The following GRIN3A variants were observed in gnomAD, a reference collection of about 807,000 sequenced individuals.
The protein encoded by GRIN3A is glutamate ionotropic receptor NMDA type subunit 3A.
A neutral mutation model predicts 92.4 loss-of-function variants in GRIN3A; 47 were observed. The observed-to-expected ratio is 0.51, with a 90% CI of 0.40 to 0.65. The LOEUF (loss-of-function observed/expected upper bound fraction) is 0.65, where lower values mean the gene tolerates loss of function less well. Ranked by LOEUF, GRIN3A falls within the 30% of genes least tolerant of loss-of-function variation. GRIN3A has a pLI of 0.00. For synonymous variants in GRIN3A, 527 were observed against 540.6 expected (o/e 0.97, Z 0.35); for missense variants, 1,324 against 1,393.1 (o/e 0.95, Z 0.79).
intron 2 of GRIN3A, among the ~76,000 whole-genome samples, chr9:101,681,245 A>G (rs1829462710): frequency 6.6e-6 from 1 of 152,246 alleles, no homozygotes; most frequent in South Asian, 2.1e-4. Context: ...AATTTTGAGA[A>G]ATAAAAACAA....
intron 6 of GRIN3A, chr9:101,600,752 C>T (rs73659558): frequency 0.086 from 13,118 of 152,000 alleles, 585 homozygotes; most frequent in African/African-American, 0.12. Flanking sequence ...TGGAGCATAC[C>T]GGAGTAGGGA....
intron 1 of GRIN3A, among the ~76,000 whole-genome samples, chr9:101,689,446 T>C (rs187649137): frequency 7.0e-4 from 107 of 152,182 alleles, no homozygotes; most frequent in Non-Finnish European, 1.3e-3. Flanking sequence ...ACAAATCCAA[T>C]AGGCATGAGA....
chr9:101,574,316 T>C (rs1195310967), intron 8 of GRIN3A, among the ~76,000 whole-genome samples: 1 of 152,186 alleles, frequency 6.6e-6, no homozygotes. Context: ...TTGATACTTA[T>C]GAGATAAGGA....
intron 6 of GRIN3A, among the ~76,000 whole-genome samples, chr9:101,586,231 A>G (rs1827948555): frequency 6.6e-6 from 1 of 152,108 alleles, no homozygotes; most frequent in Admixed American, 6.5e-5. Flanking sequence ...TTGACATAGT[A>G]TGTGTTTATT....
chr9:101,654,612 C>CT lies in GRIN3A; in HGVS notation c.2352+15447dup, dbSNP rs755896647. ...TCCCTGTGTACTCCCTTCAAGGTCT[C>CT]TTTTTTTTTCCTCATTTACTTTATC... is the stretch of plus-strand genomic sequence containing the variant. On this transcript the variant is annotated intron_variant, in intron 3 of 8. Transcript: ENST00000361820. Among the ~76,000 whole-genome samples, 418 of 150,812 alleles carry CT rather than the reference C, an allele frequency of 2.8e-3. 3 individuals are homozygous for CT. Among genetic ancestry groups the CT allele is most frequent in the Non-Finnish European group, 3.9e-3 (262 of 67,532 alleles).
chr9:101,681,401 T>C (rs1028528386), intron 2 of GRIN3A, among the ~76,000 whole-genome samples: 17 of 152,250 alleles, frequency 1.1e-4, no homozygotes, highest in African/African-American at 4.1e-4. Flanking sequence ...GCTCTGCATA[T>C]AAAATGCAAA....
At chr9:101,628,147 G>A (rs1047639174) in intron 4 of GRIN3A, 109 bp downstream of exon 4, 18 of 1,006,928 alleles carry the variant, frequency 1.8e-5, no homozygotes, top group South Asian at 1.5e-4. Flanking sequence ...TTAACACAAC[G>A]TGGGTATATT....
intron 3 of GRIN3A, among the ~76,000 whole-genome samples, chr9:101,655,437 G>A (rs558679855): frequency 3.3e-5 from 5 of 151,924 alleles, no homozygotes; most frequent in Admixed American, 6.6e-5. Flanking sequence ...CAGTAATTAA[G>A]TGAGCATATT....
chr9:101,642,804 G>C, intron 3 of GRIN3A, among the ~76,000 whole-genome samples: 1 of 152,076 alleles, frequency 6.6e-6, no homozygotes, highest in East Asian at 1.9e-4. Context: ...AGGGATCTAG[G>C]TGGCAAGCAT....
chr9:101,730,007 T>C (rs1441946098), intron 1 of GRIN3A, among the ~76,000 whole-genome samples: 1 of 152,184 alleles, frequency 6.6e-6, no homozygotes, highest in Non-Finnish European at 1.5e-5. Context: ...GTTATAGCAA[T>C]AGTTAGGAAA....
Position 101,670,070 on chromosome 9 carries a change from T to G in GRIN3A, c.2342A>C (p.His781Pro). 6 of 1,611,708 alleles carry G rather than the reference T, an allele frequency of 3.7e-6. No homozygotes were observed. The highest frequency in any genetic ancestry group is 5.1e-6 in the Non-Finnish European group (6 of 1,177,924). The part of the protein sequence containing the change: ...EKIYEELSGI[H>P]DPKLHHPSQG... ...AAAATGAAGTATTACCTTGGGGTCA[T>G]GTATTCCAGAAAGCTCTTCATAGAT... The change falls in exon 3 of 9, where the codon CAT becomes CCT. Residue 781 changes from histidine (H) to proline (P), a missense_variant. Physicochemically the swap from His to Pro is moderately conservative, Grantham distance 77. Coordinates refer to ENST00000361820, the MANE Select transcript of GRIN3A (RefSeq NM_133445.3).
intron 6 of GRIN3A, among the ~76,000 whole-genome samples, chr9:101,579,931 GT>G (rs1827868298): frequency 6.6e-6 from 1 of 152,090 alleles, no homozygotes; most frequent in Admixed American, 6.6e-5. Context: ...TCTCCAGATG[GT>G]TTTGGCCAAC....
intron 1 of GRIN3A, among the ~76,000 whole-genome samples, chr9:101,716,680 C>T (rs1829952065): frequency 6.6e-6 from 1 of 152,150 alleles, no homozygotes; most frequent in Admixed American, 6.5e-5. Flanking sequence ...ATGCCATCTT[C>T]CATTACTCAG....
At chr9:101,688,490 C>A (rs1186200486) in intron 1 of GRIN3A, among the ~76,000 whole-genome samples, 4 of 152,218 alleles carry the variant, frequency 2.6e-5, no homozygotes, top group Non-Finnish European at 2.9e-5. Flanking sequence ...ATGATAAAAA[C>A]AGAGCGTTGG....
chr9:101,729,120 A>T (rs1043232759), intron 1 of GRIN3A, among the ~76,000 whole-genome samples: 1 of 152,166 alleles, frequency 6.6e-6, no homozygotes, highest in African/African-American at 2.4e-5. Flanking sequence ...TTTTCTCCAG[A>T]TGCAAAGTGT....
At chr9:101,731,965 A>G (rs1030445517) in intron 1 of GRIN3A, among the ~76,000 whole-genome samples, 10 of 152,190 alleles carry the variant, frequency 6.6e-5, no homozygotes, top group African/African-American at 2.2e-4. Context: ...CTTCTTGCCT[A>G]GTTTTATGGA....
intron 1 of GRIN3A, among the ~76,000 whole-genome samples, chr9:101,716,105 T>C (rs980546690): frequency 3.4e-5 from 5 of 147,024 alleles, no homozygotes; most frequent in Admixed American, 1.4e-4. Flanking sequence ...TTGGAAACAC[T>C]AAAGAGTGGA....
At chr9:101,586,189 A>G (rs947953719) in intron 6 of GRIN3A, among the ~76,000 whole-genome samples, 2 of 152,074 alleles carry the variant, frequency 1.3e-5, no homozygotes, top group African/African-American at 4.8e-5. Flanking sequence ...TTCAGATACA[A>G]TCTATCTCTC....
chr9:101,730,053 C>A (rs1467771371), intron 1 of GRIN3A, among the ~76,000 whole-genome samples: 1 of 152,160 alleles, frequency 6.6e-6, no homozygotes, highest in African/African-American at 2.4e-5. Flanking sequence ...ACCTAATAGA[C>A]CAAAACATGC....
Sources: gnomAD v4.1 joint callset for allele counts (sites outside exome capture counted in the v4.1 genomes callset) on GRCh38, gnomAD v4.1.1 for gene constraint, MANE v1.5 for transcripts, NCBI Gene and HGNC (gene_info 2026-07-23, HGNC 2026-07-21) for gene names.